LOC400499: variants seen among roughly 807,000 people sequenced by gnomAD.
At chr16:11,462,358 C>G in the LOC400499 span, 1 of 1,413,494 alleles carries the variant, frequency 7.1e-7, no homozygotes, top group African/African-American at 1.4e-5. Flanking sequence ...AGGCCCAGCC[C>G]TTACCACACG....
chr16:11,512,039 A>G, the LOC400499 span, among the ~76,000 whole-genome samples: 56 of 152,214 alleles, frequency 3.7e-4, no homozygotes, highest in Non-Finnish European at 4.3e-4. Context: ...TTGTAATCCC[A>G]GCACTTTGGG....
the LOC400499 span, among the ~76,000 whole-genome samples, chr16:11,504,770 A>C: frequency 6.6e-6 from 1 of 152,096 alleles, no homozygotes; most frequent in Non-Finnish European, 1.5e-5. Flanking sequence ...CAAAAATATA[A>C]AACTTAGCTG....
At chr16:11,382,007 A>G in the LOC400499 span, among the ~76,000 whole-genome samples, 4 of 151,872 alleles carry the variant, frequency 2.6e-5, no homozygotes, top group Non-Finnish European at 5.9e-5. Context: ...CAGTGGCGCA[A>G]TCTCGGCTCA....
At chr16:11,460,349 T>C in the LOC400499 span, 1 of 1,172,856 alleles carries the variant, frequency 8.5e-7, no homozygotes, top group African/African-American at 1.6e-5. Flanking sequence ...CAGCCCCGGA[T>C]CCATTCCCAT....
chr16:11,519,141 C>A, the LOC400499 span, among the ~76,000 whole-genome samples: 1 of 152,108 alleles, frequency 6.6e-6, no homozygotes, highest in African/African-American at 2.4e-5. Context: ...GTGGTGAAGG[C>A]CGAATGTCTC....
the LOC400499 span, among the ~76,000 whole-genome samples, chr16:11,449,656 G>A: frequency 2.0e-5 from 3 of 152,216 alleles, no homozygotes; most frequent in Non-Finnish European, 4.4e-5. Flanking sequence ...GACAGGGTTT[G>A]GGCGTGGCTG....
At chr16:11,482,671 G>A in the LOC400499 span, among the ~76,000 whole-genome samples, 15 of 152,064 alleles carry the variant, frequency 9.9e-5, no homozygotes, top group South Asian at 2.1e-4. Flanking sequence ...CAGGAGGATC[G>A]CTTGAGGTCA....
At chr16:11,475,725 G>T in the LOC400499 span, 1 of 399,000 alleles carries the variant, frequency 2.5e-6, no homozygotes, top group Non-Finnish European at 4.4e-6. Flanking sequence ...GCTGGGTGGG[G>T]AAAGAGGACA....
the LOC400499 span, among the ~76,000 whole-genome samples, chr16:11,481,655 C>T: frequency 2.0e-5 from 3 of 151,166 alleles, no homozygotes; most frequent in Admixed American, 6.6e-5. Context: ...TTTTTTGAGA[C>T]GGAGTCTTGC....
chr16:11,463,811 A>G, the LOC400499 span, among the ~76,000 whole-genome samples: 1 of 152,126 alleles, frequency 6.6e-6, no homozygotes, highest in South Asian at 2.1e-4. Context: ...GTGTGTATGA[A>G]TATGTGTGTA....
the LOC400499 span, chr16:11,446,876 G>A: frequency 6.5e-7 from 1 of 1,535,976 alleles, no homozygotes; most frequent in Non-Finnish European, 8.7e-7. Flanking sequence ...TCCTGCAGGA[G>A]GAGGCTCTGC....
At chr16:11,397,404 G>C in the LOC400499 span, among the ~76,000 whole-genome samples, 1 of 152,104 alleles carries the variant, frequency 6.6e-6, no homozygotes, top group Non-Finnish European at 1.5e-5. Context: ...CTCCTGAGTA[G>C]CTAGGACTAC....
At chr16:11,447,800 G>A in the LOC400499 span, 2 of 1,237,798 alleles carry the variant, frequency 1.6e-6, no homozygotes, top group Non-Finnish European at 2.1e-6. Context: ...TGGGATTTAG[G>A]TTCCATCTGG....
the LOC400499 span, chr16:11,407,222 T>A: frequency 2.5e-6 from 1 of 398,912 alleles, no homozygotes; most frequent in East Asian, 3.6e-5. Flanking sequence ...CTGTTCCAGT[T>A]TGATGAAATT....
the LOC400499 span, among the ~76,000 whole-genome samples, chr16:11,375,409 G>A: frequency 2.2e-5 from 3 of 139,222 alleles, no homozygotes; most frequent in East Asian, 3.9e-4. Flanking sequence ...TGCCTCCCGT[G>A]TTCAAGCAAT....
chr16:11,517,037 A>G, the LOC400499 span, among the ~76,000 whole-genome samples: 1 of 152,176 alleles, frequency 6.6e-6, no homozygotes, highest in Non-Finnish European at 1.5e-5. Flanking sequence ...CTGCCTAAAG[A>G]CAGATCCTCC....
At chr16:11,380,756 T>C in the LOC400499 span, 8 of 152,294 alleles carry the variant, frequency 5.3e-5, no homozygotes, top group African/African-American at 9.6e-5. Context: ...TACCATTCCA[T>C]TGTGACACTG....
At chr16:11,472,436 G>C in the LOC400499 span, 3 of 151,870 alleles carry the variant, frequency 2.0e-5, no homozygotes, top group African/African-American at 7.3e-5. Flanking sequence ...CAGGTGATCT[G>C]CCTGCCTCAG....
the LOC400499 span, chr16:11,401,513 A>T: frequency 2.5e-6 from 1 of 398,712 alleles, no homozygotes; most frequent in Non-Finnish European, 4.4e-6. Flanking sequence ...GCAAAAGGGC[A>T]GGTGGCTTTC....
Sources: gnomAD v4.1 joint callset for allele counts (sites outside exome capture counted in the v4.1 genomes callset) on GRCh38, gnomAD v4.1.1 for gene constraint, MANE v1.5 for transcripts.